POLE4: variants seen among roughly 807,000 people sequenced by gnomAD.
The protein encoded by POLE4 is DNA polymerase epsilon 4, accessory subunit.
A neutral mutation model predicts 15.6 loss-of-function variants in POLE4; 15 were observed. The ratio of observed to expected loss-of-function variants is 0.96; its 90% confidence interval spans 0.64 to 1.48. The LOEUF (loss-of-function observed/expected upper bound fraction) is 1.48. Among genes scored for constraint, POLE4 ranks in the 40% most tolerant of loss-of-function variants. The probability of loss-of-function intolerance (pLI) is 0.00; values close to 1 mark genes in which losing one functional copy is unlikely to be tolerated. For missense variants in POLE4, 205 were observed against 151.9 expected, an observed-to-expected ratio of 1.35 and a Z score of -1.84; for synonymous variants, 83 against 63.2, an observed-to-expected ratio of 1.31 and a Z score of -1.49.
intron 3 of POLE4, among the ~76,000 whole-genome samples, chr2:74,968,085 C>G (rs1212772484): frequency 6.6e-6 from 1 of 152,170 alleles, no homozygotes; most frequent in Non-Finnish European, 1.5e-5. Flanking sequence ...GCAGAAGTAA[C>G]ATTAGAGGCT....
intron 3 of POLE4, among the ~76,000 whole-genome samples, chr2:74,963,353 A>C (rs1278184025): frequency 6.6e-6 from 1 of 152,112 alleles, no homozygotes; most frequent in Non-Finnish European, 1.5e-5. Flanking sequence ...ATGTGGTGTT[A>C]ATTCGTATTG....
At chr2:74,960,750 G>A (rs1008778411) in intron 3 of POLE4, 8 of 369,724 alleles carry the variant, frequency 2.2e-5, no homozygotes, top group East Asian at 1.5e-4. Flanking sequence ...CATGTGCTGC[G>A]TAATAACTTT....
At chr2:74,963,502 TTTTA>T in intron 3 of POLE4, among the ~76,000 whole-genome samples, 2 of 152,268 alleles carry the variant, frequency 1.3e-5, no homozygotes, top group South Asian at 4.1e-4. Context: ...TTTATTTCAT[TTTTA>T]TTTATTTATT....
At position 74,969,559 on chromosome 2, in the gene POLE4, A is replaced by G; in HGVS notation, c.*137A>G. ...TTCTGCCTTCACCTATGCCGGGATAAGCAGAGATCTCATCAATTAGCTCTT... is the reference window on the plus strand; with the variant it reads ...TTCTGCCTTCACCTATGCCGGGATAGGCAGAGATCTCATCAATTAGCTCTT... On this transcript the variant is annotated 3_prime_UTR_variant, in exon 4 of 4. Coordinates refer to ENST00000483063, the MANE Select transcript of POLE4 (RefSeq NM_019896.4). 1 of 809,978 alleles carries G rather than the reference A, an allele frequency of 1.2e-6. No individual in the cohort carries two copies. Among genetic ancestry groups the G allele is most frequent in the Non-Finnish European group, 2.2e-6 (1 of 457,604 alleles). The allele number at this position is 809,978 out of a possible 1,614,324, so 50.2% of individuals were successfully genotyped here.
chr2:74,963,875 T>C (rs1289203329), intron 3 of POLE4, among the ~76,000 whole-genome samples: 2 of 152,340 alleles, frequency 1.3e-5, no homozygotes, highest in Admixed American at 6.5e-5. Context: ...AGGTTGTCTT[T>C]TGATACGCAT....
At chr2:74,966,465 G>A (rs1033173238) in intron 3 of POLE4, among the ~76,000 whole-genome samples, 3 of 152,102 alleles carry the variant, frequency 2.0e-5, no homozygotes, top group Admixed American at 6.5e-5. Context: ...GCAGTGGTGC[G>A]ATCTCAGCTC....
intron 3 of POLE4, among the ~76,000 whole-genome samples, chr2:74,967,071 T>C (rs565679655): frequency 7.9e-5 from 12 of 152,212 alleles, no homozygotes; most frequent in Non-Finnish European, 1.6e-4. Context: ...GGATTTCTTT[T>C]TATGTAGTTT....
chr2:74,958,894 T>C lies in POLE4; in HGVS notation c.213+2T>C, dbSNP rs764407705. ...ATCTTCATTCTGGCACGAGCCGCGG[T>C]GCGCCTGCAGCGCGAGGGCATGCGG... On this transcript the variant is annotated splice_donor_variant, in intron 1 of 3. Coordinates refer to ENST00000483063, the MANE Select transcript of POLE4 (RefSeq NM_019896.4). LOFTEE classifies it high-confidence loss of function. 5.0e-5 allele frequency: 78 copies of C among 1,550,446 alleles called. No individual in the cohort carries two copies. The highest frequency in any genetic ancestry group is 6.8e-5 in the Non-Finnish European group (78 of 1,146,874).
chr2:74,958,701 G>C lies in POLE4; in HGVS notation c.22G>C (p.Gly8Arg), dbSNP rs948309908. 6.8e-7 allele frequency: 1 copy of C among 1,476,728 alleles called. No individual in the cohort carries two copies. The highest frequency in any genetic ancestry group is 2.9e-5 in the East Asian group (1 of 34,860). 91.5% of individuals were successfully genotyped at this position (1,476,728 alleles called of 1,614,324 possible). A position where few individuals can be genotyped will look rare whatever the true frequency, so the allele number is the denominator to read the frequency against. Residue 8 changes from glycine (G) to arginine (R), a missense_variant, in exon 1 of 4, where the codon GGA becomes CGA. Coordinates refer to ENST00000483063, the MANE Select transcript of POLE4 (RefSeq NM_019896.4). ...CGGGATGGCGGCGGCGGCGGCGGCA[G>C]GAAGCGGGACGCCCCGAGAGGAGGA... MAAAAAA[G>R]SGTPREEEGP...
rs78292940 is a variant in POLE4 at position 74,966,318 on chromosome 2, T to G, written c.341-3091T>G. On this transcript the variant is annotated intron_variant, in intron 3 of 3. Coordinates refer to ENST00000483063, the MANE Select transcript of POLE4 (RefSeq NM_019896.4). ...TGTATTTTTGTTTTGTCTTTGTCAA[T>G]CTACATAAGGCATTTTTATTCCTGA... Among the ~76,000 whole-genome samples the G allele has an allele frequency of 9.3e-4, 142 of 152,318 alleles. 1 individual carries two copies. In the East Asian group the frequency reaches 0.022, roughly 24 times the overall value.
intron 3 of POLE4, among the ~76,000 whole-genome samples, chr2:74,965,735 A>G (rs1000051384): frequency 1.3e-5 from 2 of 152,192 alleles, no homozygotes; most frequent in East Asian, 1.9e-4. Context: ...AGCCTTTTAT[A>G]TTTGTAAATT....
rs188020127 is a variant in POLE4 at position 74,963,575 on chromosome 2, C to T, written c.340+3429C>T. On this transcript the variant is annotated intron_variant, in intron 3 of 3. Transcript: ENST00000483063. ...CTGGAATGCAGTGGCATGATCTCTGCTCAATGCAGCCCCCCCTCCCACGTT... is the reference window on the plus strand; with the variant it reads ...CTGGAATGCAGTGGCATGATCTCTGTTCAATGCAGCCCCCCCTCCCACGTT... Among the ~76,000 whole-genome samples the T allele has an allele frequency of 7.9e-5, 12 of 152,106 alleles. No individual in the cohort carries two copies. In the East Asian group the frequency reaches 2.3e-3, roughly 29 times the overall value.
At chr2:74,965,400 A>G (rs1481107302) in intron 3 of POLE4, among the ~76,000 whole-genome samples, 3 of 152,050 alleles carry the variant, frequency 2.0e-5, no homozygotes. Context: ...CGCCTGGCCC[A>G]CTTTTTATCT....
At chr2:74,968,485 G>T (rs1049604281) in intron 3 of POLE4, among the ~76,000 whole-genome samples, 3 of 152,114 alleles carry the variant, frequency 2.0e-5, no homozygotes, top group African/African-American at 4.8e-5. Flanking sequence ...GTGAACAGGG[G>T]TGGGACCAGA....
At chr2:74,967,680 T>G (rs534607310) in intron 3 of POLE4, among the ~76,000 whole-genome samples, 81 of 152,366 alleles carry the variant, frequency 5.3e-4, no homozygotes, top group Middle Eastern at 6.8e-3. Flanking sequence ...TCCCCCTATA[T>G]GCCTATCTTT....
chr2:74,963,358 G>A (rs1671251181), intron 3 of POLE4, among the ~76,000 whole-genome samples: 1 of 152,026 alleles, frequency 6.6e-6, no homozygotes, highest in Admixed American at 6.6e-5. Flanking sequence ...GTGTTAATTC[G>A]TATTGCCCTG....
intron 3 of POLE4, among the ~76,000 whole-genome samples, chr2:74,965,684 A>C (rs1467738599): frequency 6.6e-6 from 1 of 152,186 alleles, no homozygotes; most frequent in Non-Finnish European, 1.5e-5. Flanking sequence ...ATGTGATTAG[A>C]TATATACAAA....
In POLE4 at chr2:74,958,675, C is replaced by T; in HGVS notation, c.-5C>T. On this transcript the variant is annotated 5_prime_UTR_variant, in exon 1 of 4. Transcript: ENST00000483063. ...GCGGCCGCGCGCAGCACGCTCAAGG[C>T]CGGGATGGCGGCGGCGGCGGCGGCA... is the stretch of plus-strand genomic sequence containing the variant. 5 of 1,451,928 alleles carry T rather than the reference C, an allele frequency of 3.4e-6. No individual in the cohort carries two copies. Among genetic ancestry groups the T allele is most frequent in the Admixed American group, 3.0e-5 (1 of 32,900 alleles). 89.9% of individuals were successfully genotyped at this position (1,451,928 alleles called of 1,614,324 possible).
intron 3 of POLE4, among the ~76,000 whole-genome samples, chr2:74,967,449 G>T (rs1049632845): frequency 6.7e-6 from 1 of 149,650 alleles, no homozygotes; most frequent in Non-Finnish European, 1.5e-5. Context: ...AGTACTTTTT[G>T]TTGTTCTTAT....
Sources: gnomAD v4.1 joint callset for allele counts (sites outside exome capture counted in the v4.1 genomes callset) on GRCh38, gnomAD v4.1.1 for gene constraint, MANE v1.5 for transcripts, NCBI Gene and HGNC (gene_info 2026-07-23, HGNC 2026-07-21) for gene names.